Variants in ARHGAP17 observed in about 807,000 individuals in gnomAD.
ARHGAP17 encodes Rho GTPase activating protein 17.
Under a neutral mutation model 99.5 loss-of-function variants are expected in ARHGAP17, and 57 were observed. That is an observed-to-expected ratio of 0.57 (90% confidence interval 0.46 to 0.71). The LOEUF (loss-of-function observed/expected upper bound fraction) is 0.71. ARHGAP17 is among the 30% of genes least tolerant of loss of function. The pLI is 0.00. For missense variants in ARHGAP17, 1,000 were observed against 1,122.4 expected (o/e 0.89, Z 1.56); for synonymous variants, 417 against 429.6 (o/e 0.97, Z 0.36).
At position 24,942,040 on chromosome 16, in the gene ARHGAP17, C is replaced by T. The variant is rs745512542; in HGVS notation, c.1437G>A (p.Arg479=). The stretch of plus-strand genomic sequence containing the variant: ...TCACCGCCATGCTAGCAGGCCGCTT[C>T]CTCTCCAGGGTCCCCGAGTCAGAGT... ...GNDSDSGTLE[R]KRPASMAVME... is the part of the protein sequence containing the mutation. The change falls in exon 16 of 20, where the codon AGG becomes AGA. Residue 479 remains arginine (R), a synonymous_variant. Transcript: ENST00000289968. The T allele has an allele frequency of 6.2e-7, 1 of 1,614,122 alleles. No individual in the cohort carries two copies. Among genetic ancestry groups the T allele is most frequent in the Admixed American group, 1.7e-5 (1 of 60,022 alleles).
At chr16:24,960,278 C>T (rs1444734079) in intron 7 of ARHGAP17, among the ~76,000 whole-genome samples, 1 of 152,224 alleles carries the variant, frequency 6.6e-6, no homozygotes, top group Non-Finnish European at 1.5e-5. Flanking sequence ...GGCACGATGG[C>T]TCATGCCTGT....
intron 1 of ARHGAP17, among the ~76,000 whole-genome samples, chr16:24,985,069 C>G (rs13335096): frequency 0.032 from 4,909 of 152,206 alleles, 275 homozygotes; most frequent in African/African-American, 0.11. Context: ...CTGGAGGCAA[C>G]TGTGTCCCCA....
intron 1 of ARHGAP17, among the ~76,000 whole-genome samples, chr16:24,993,545 C>T (rs377375631): frequency 2.8e-4 from 42 of 149,900 alleles, no homozygotes; most frequent in African/African-American, 9.6e-4. Flanking sequence ...GCTGAGATTG[C>T]ACCACTGCAC....
At chr16:24,952,113 A>C (rs919069056) in intron 12 of ARHGAP17, among the ~76,000 whole-genome samples, 176 bp downstream of exon 12, 1 of 152,232 alleles carries the variant, frequency 6.6e-6, no homozygotes, top group African/African-American at 2.4e-5. Context: ...TTCCTACACT[A>C]ATAATTATAA....
chr16:24,940,685 A>T (rs2051287861), intron 16 of ARHGAP17, among the ~76,000 whole-genome samples: 1 of 152,064 alleles, frequency 6.6e-6, no homozygotes, highest in African/African-American at 2.4e-5. Flanking sequence ...TGGGCACATA[A>T]CCCTGTCTCA....
rs76622112 is a variant in ARHGAP17 at position 24,958,149 on chromosome 16, G to A, written c.724+1522C>T. On this transcript the variant is annotated intron_variant, in intron 9 of 19. Coordinates refer to ENST00000289968, the MANE Select transcript of ARHGAP17 (RefSeq NM_001006634.3). ...TCCCCGCTCTCCATGGCTTCCTGATGTATTTCTCTAGGGAAAATACCCTTG... is the reference window on the plus strand; with the variant it reads ...TCCCCGCTCTCCATGGCTTCCTGATATATTTCTCTAGGGAAAATACCCTTG... Among the ~76,000 whole-genome samples the A allele has an allele frequency of 3.6e-3, 555 of 152,160 alleles. 8 individuals are homozygous for A. Among genetic ancestry groups the A allele is most frequent in the African/African-American group, 0.013 (534 of 41,498 alleles).
At chr16:24,982,998 T>TA (rs59011851) in intron 1 of ARHGAP17, among the ~76,000 whole-genome samples, 39 of 27,508 alleles carry the variant, frequency 1.4e-3, no homozygotes, top group African/African-American at 2.2e-3. Flanking sequence ...ATATATATAT[T>TA]TTTTTTTTTT....
At chr16:24,977,443 C>T in intron 2 of ARHGAP17, 124 bp from the exon 3 acceptor site, 1 of 691,832 alleles carries the variant, frequency 1.4e-6, no homozygotes, top group Non-Finnish European at 2.3e-6. Context: ...CTACACCTTG[C>T]TATCACACTG....
intron 17 of ARHGAP17, among the ~76,000 whole-genome samples, chr16:24,937,017 A>G (rs2051158678): frequency 6.6e-6 from 1 of 151,132 alleles, no homozygotes; most frequent in Non-Finnish European, 1.5e-5. Flanking sequence ...TGGGAGGCTG[A>G]GGTGGGAAGA....
chr16:24,943,016 G>T (rs952741067), intron 15 of ARHGAP17, among the ~76,000 whole-genome samples: 1 of 152,260 alleles, frequency 6.6e-6, no homozygotes, highest in South Asian at 2.1e-4. Flanking sequence ...GGAAAGATGG[G>T]TATCATGGGG....
chr16:25,015,193 T>G lies in ARHGAP17; in HGVS notation c.53+16A>C. 2 of 1,306,166 alleles carry G rather than the reference T, an allele frequency of 1.5e-6. No homozygotes were observed. Among genetic ancestry groups the G allele is most frequent in the Non-Finnish European group, 2.0e-6 (2 of 1,021,846 alleles). The allele number at this position is 1,306,166 out of a possible 1,614,324, so 80.9% of individuals were successfully genotyped here. ...CCCAGCCCCGGTGCGACCCCCGTGCTGCCCGGCGCACTCGCCTGCCCACGG... is the reference window on the plus strand; with the variant it reads ...CCCAGCCCCGGTGCGACCCCCGTGCGGCCCGGCGCACTCGCCTGCCCACGG... On this transcript the variant is annotated intron_variant, in intron 1 of 19. Coordinates refer to ENST00000289968, the MANE Select transcript of ARHGAP17 (RefSeq NM_001006634.3).
intron 19 of ARHGAP17, 98 bp from the exon 20 acceptor site, chr16:24,920,358 G>A: frequency 6.7e-7 from 1 of 1,492,208 alleles, no homozygotes; most frequent in Non-Finnish European, 9.1e-7. Flanking sequence ...GGAAGTTTCA[G>A]GGTCAGCCCA....
At chr16:25,005,788 AT>A (rs1225828921) in intron 1 of ARHGAP17, among the ~76,000 whole-genome samples, 3 of 152,228 alleles carry the variant, frequency 2.0e-5, no homozygotes, top group Non-Finnish European at 2.9e-5. Context: ...TAGATAACAA[AT>A]TTTTTAAGGA....
In ARHGAP17 at chr16:24,982,982, A is replaced by ATATATATATT. The variant is rs1555467445; in HGVS notation, c.54-3978_54-3977insAATATATATA. 9.1e-3 allele frequency among the ~76,000 whole-genome samples: 298 copies of ATATATATATT among 32,574 alleles called. 2 individuals are homozygous for ATATATATATT. Among genetic ancestry groups the ATATATATATT allele is most frequent in the East Asian group, 0.016 (19 of 1,222 alleles). The allele number at this position is 32,574 out of a possible 152,430, so 21.4% of individuals were successfully genotyped here. On this transcript the variant is annotated intron_variant, in intron 1 of 19. Transcript: ENST00000289968. ...TGATAAATCATATATATATATATAT[A>ATATATATATT]TATATATATATATATTTTTTTTTTT...
chr16:24,995,813 T>C (rs965142192), intron 1 of ARHGAP17, among the ~76,000 whole-genome samples: 1 of 152,198 alleles, frequency 6.6e-6, no homozygotes, highest in African/African-American at 2.4e-5. Flanking sequence ...TACATGCATT[T>C]AAACAAAGGA....
chr16:25,003,716 C>G (rs1246969528), intron 1 of ARHGAP17, among the ~76,000 whole-genome samples: 1 of 151,726 alleles, frequency 6.6e-6, no homozygotes, highest in African/African-American at 2.4e-5. Flanking sequence ...CCCAGCTACT[C>G]AGGAGGCTGA....
At chr16:24,957,697 C>T (rs987419317) in intron 9 of ARHGAP17, among the ~76,000 whole-genome samples, 3 of 152,016 alleles carry the variant, frequency 2.0e-5, no homozygotes, top group Non-Finnish European at 4.4e-5. Context: ...TGGGGGTAGA[C>T]ACAAGAGTGC....
chr16:24,958,398 T>C (rs1299775339), intron 9 of ARHGAP17, among the ~76,000 whole-genome samples: 1 of 152,200 alleles, frequency 6.6e-6, no homozygotes, highest in Non-Finnish European at 1.5e-5. Flanking sequence ...AGATATCTCA[T>C]AAATATATTT....
At chr16:24,986,662 A>T (rs1269544790) in intron 1 of ARHGAP17, among the ~76,000 whole-genome samples, 1 of 152,234 alleles carries the variant, frequency 6.6e-6, no homozygotes, top group East Asian at 1.9e-4. Flanking sequence ...TATGACCTGC[A>T]GAGCTCAAAA....
Sources: gnomAD v4.1 joint callset for allele counts (sites outside exome capture counted in the v4.1 genomes callset) on GRCh38, gnomAD v4.1.1 for gene constraint, MANE v1.5 for transcripts, NCBI Gene and HGNC (gene_info 2026-07-23, HGNC 2026-07-21) for gene names.